RASSF3: variants seen among roughly 807,000 people sequenced by gnomAD.
The protein encoded by RASSF3 is ras association domain-containing protein 3.
Under a neutral mutation model 19.9 loss-of-function variants are expected in RASSF3, and 19 were observed. The observed-to-expected ratio is 0.96, with a 90% CI of 0.67 to 1.40. The LOEUF (loss-of-function observed/expected upper bound fraction) is 1.40. RASSF3 is among the 40% of genes most tolerant of loss of function. The pLI is 0.00. For synonymous variants in RASSF3, 110 were observed against 104.2 expected (o/e 1.06, Z -0.34); for missense variants, 306 against 289.8 (o/e 1.06, Z -0.41).
intron 4 of RASSF3, among the ~76,000 whole-genome samples, chr12:64,694,529 A>C (rs753544104): frequency 3.1e-4 from 47 of 152,004 alleles, no homozygotes; most frequent in Non-Finnish European, 6.2e-4. Flanking sequence ...TTTTAGGGAG[A>C]TCGTCTTGAA....
At chr12:64,614,909 G>C (rs1247066660) in intron 1 of RASSF3, among the ~76,000 whole-genome samples, 1 of 151,730 alleles carries the variant, frequency 6.6e-6, no homozygotes, top group East Asian at 1.9e-4. Context: ...ATGTTGGCCA[G>C]GCTGGTCTTG....
intron 1 of RASSF3, among the ~76,000 whole-genome samples, chr12:64,642,976 G>A (rs1420119586): frequency 6.6e-6 from 1 of 150,924 alleles, no homozygotes; most frequent in African/African-American, 2.4e-5. Flanking sequence ...AGTGATTCTC[G>A]TGCCTCAGCC....
intron 2 of RASSF3, among the ~76,000 whole-genome samples, chr12:64,578,527 G>A (rs1869634435): frequency 6.6e-6 from 1 of 152,086 alleles, no homozygotes; most frequent in Admixed American, 6.6e-5. Context: ...GGCATGATAG[G>A]GCAAGCCTGG....
intron 2 of RASSF3, among the ~76,000 whole-genome samples, chr12:64,570,152 A>G (rs1179889701): frequency 6.6e-6 from 1 of 152,136 alleles, no homozygotes; most frequent in African/African-American, 2.4e-5. Context: ...TGGCCTATAA[A>G]GTTCACAAGC....
Position 64,665,502 on chromosome 12 carries a change from C to T in RASSF3, c.112-19285C>T, listed in dbSNP as rs941606631. The stretch of plus-strand genomic sequence containing the variant: ...GTGAGGTAGGAGGTGGAACTTGACT[C>T]CAGACCAGATTGAAGACTGGCTGAA... On this transcript the variant is annotated intron_variant, in intron 1 of 4. Transcript: ENST00000542104. 2.6e-5 allele frequency among the ~76,000 whole-genome samples: 4 copies of T among 152,172 alleles called. No individual in the cohort carries two copies. The South Asian group carries it at 8.3e-4, about 32-fold the overall frequency.
chr12:64,686,531 A>G (rs990400873), intron 2 of RASSF3, among the ~76,000 whole-genome samples: 1 of 152,150 alleles, frequency 6.6e-6, no homozygotes, highest in African/African-American at 2.4e-5. Flanking sequence ...GAATGGCGTG[A>G]ACCCAGGAGG....
At chr12:64,510,828 T>C (rs1306143870) in intron 1 of RASSF3, among the ~76,000 whole-genome samples, 1 of 152,100 alleles carries the variant, frequency 6.6e-6, no homozygotes, top group East Asian at 1.9e-4. Flanking sequence ...CCAAGCTATA[T>C]ATAAAAAACA....
chr12:64,625,796 C>T (rs532492335), intron 1 of RASSF3, among the ~76,000 whole-genome samples: 5 of 152,282 alleles, frequency 3.3e-5, no homozygotes, highest in East Asian at 3.9e-4. Context: ...AGGGTTTCAG[C>T]GATACTGGAT....
At position 64,691,544 on chromosome 12, in the gene RASSF3, C is replaced by G; in HGVS notation, c.532C>G (p.Leu178Val). 6.2e-7 allele frequency: 1 copy of G among 1,613,494 alleles called. No homozygotes were observed. The highest frequency in any genetic ancestry group is 1.1e-5 in the South Asian group (1 of 91,060). Residue 178 changes from leucine to valine, a missense_variant, in exon 4 of 5, where the codon CTT (leucine) becomes GTT (valine). Physicochemically the swap from Leu to Val is conservative, Grantham distance 32 (BLOSUM62 1). Coordinates refer to ENST00000542104, the MANE Select transcript of RASSF3 (RefSeq NM_178169.4). ...RLVAGPRTDT[L>V]SFVLREHEIG... ...GGTAGCAGGGCCCAGAACAGACACA[C>G]TTAGTTTTGTTCTTCGTGAACATGA...
At chr12:64,581,864 T>G (rs1376629270) in intron 2 of RASSF3, among the ~76,000 whole-genome samples, 1 of 151,096 alleles carries the variant, frequency 6.6e-6, no homozygotes, top group Non-Finnish European at 1.5e-5. Context: ...ACCTTTTTTT[T>G]TTGTTTTTCT....
At chr12:64,563,729 C>T (rs1869385131) in intron 2 of RASSF3, among the ~76,000 whole-genome samples, 1 of 152,208 alleles carries the variant, frequency 6.6e-6, no homozygotes, top group Admixed American at 6.5e-5. Context: ...TATTCTCCCA[C>T]ATCCTCTCTC....
intron 1 of RASSF3, among the ~76,000 whole-genome samples, chr12:64,527,566 C>G (rs1470385991): frequency 6.6e-6 from 1 of 152,174 alleles, no homozygotes; most frequent in East Asian, 1.9e-4. Flanking sequence ...TACCTTACCC[C>G]CTTTTTTAGC....
chr12:64,555,481 G>A (rs1367043352), intron 2 of RASSF3, among the ~76,000 whole-genome samples: 2 of 152,276 alleles, frequency 1.3e-5, no homozygotes, highest in East Asian at 3.9e-4. Context: ...CGGGCACGGT[G>A]GCTCACGCCT....
chr12:64,553,929 A>G (rs1176660838), intron 2 of RASSF3, among the ~76,000 whole-genome samples: 1 of 147,544 alleles, frequency 6.8e-6, no homozygotes, highest in Non-Finnish European at 1.5e-5. Flanking sequence ...GTGAGCTGTG[A>G]TTACGCTACT....
At chr12:64,555,773 G>T (rs1869246893) in intron 2 of RASSF3, among the ~76,000 whole-genome samples, 1 of 151,028 alleles carries the variant, frequency 6.6e-6, no homozygotes, top group Non-Finnish European at 1.5e-5. Flanking sequence ...CCTCTACCTT[G>T]GCCAGGTGTC....
At chr12:64,633,083 G>A (rs148130356) in intron 1 of RASSF3, among the ~76,000 whole-genome samples, 1,807 of 152,192 alleles carry the variant, frequency 0.012, 34 homozygotes, top group African/African-American at 0.042. Context: ...TTCCTATCAG[G>A]TTAAAATCTG....
At chr12:64,553,532 G>A (rs1389947646) in intron 2 of RASSF3, among the ~76,000 whole-genome samples, 1 of 152,186 alleles carries the variant, frequency 6.6e-6, no homozygotes, top group African/African-American at 2.4e-5. Flanking sequence ...CTGATGCACT[G>A]TCCAGGTCAC....
intron 2 of RASSF3, among the ~76,000 whole-genome samples, chr12:64,685,498 G>C (rs2136219672): frequency 6.6e-6 from 1 of 152,236 alleles, no homozygotes; most frequent in East Asian, 1.9e-4. Context: ...GCCCAGCTTG[G>C]CCTCCCAAAG....
At chr12:64,520,553 CACATATATATATATATATATAT>C in intron 1 of RASSF3, among the ~76,000 whole-genome samples, 1 of 30,470 alleles carries the variant, frequency 3.3e-5, no homozygotes, top group East Asian at 2.1e-3. Context: ...CACACATACA[CACATATATATATATATATATAT>C]ATATATATAT....
Sources: gnomAD v4.1 joint callset for allele counts (sites outside exome capture counted in the v4.1 genomes callset) on GRCh38, gnomAD v4.1.1 for gene constraint, MANE v1.5 for transcripts, NCBI Gene and HGNC (gene_info 2026-07-23, HGNC 2026-07-21) for gene names.